Variants in EFCAB13 observed in about 807,000 individuals in gnomAD.
EFCAB13 encodes the protein EF-hand calcium-binding domain-containing protein 13.
Under a neutral mutation model 110.2 loss-of-function variants are expected in EFCAB13, and 91 were observed. The observed-to-expected ratio is 0.83, with a 90% CI of 0.70 to 0.98. The LOEUF is 0.98. EFCAB13 is among the 50% of genes least tolerant of loss of function. The probability of loss-of-function intolerance (pLI) is 0.00; values close to 1 mark genes in which losing one functional copy is unlikely to be tolerated. For missense variants in EFCAB13, 968 were observed against 1,119.4 expected (o/e 0.86, Z 1.93); for synonymous variants, 323 against 369.9 (o/e 0.87, Z 1.45).
At chr17:47,420,748 C>T (rs1243109205) in intron 23 of EFCAB13, among the ~76,000 whole-genome samples, 1 of 152,134 alleles carries the variant, frequency 6.6e-6, no homozygotes, top group Admixed American at 6.5e-5. Flanking sequence ...CCCCTCCGCC[C>T]GGCAGCCACC....
At chr17:47,351,226 T>C (rs566240774) in intron 9 of EFCAB13, among the ~76,000 whole-genome samples, 7 of 152,008 alleles carry the variant, frequency 4.6e-5, no homozygotes, top group Non-Finnish European at 1.0e-4. Context: ...GTTTCATCCA[T>C]GTTGCTGTAA....
chr17:47,389,940 CTGTA>C (rs113069711), intron 14 of EFCAB13, among the ~76,000 whole-genome samples: 13,343 of 152,110 alleles, frequency 0.088, 835 homozygotes, highest in East Asian at 0.35. Context: ...ATGTATCTTG[CTGTA>C]TGTACTATTT....
chr17:47,341,944 G>A lies in EFCAB13; in HGVS notation c.215G>A (p.Cys72Tyr), dbSNP rs1227758497. 1 of 1,585,250 alleles carries A rather than the reference G, an allele frequency of 6.3e-7. No homozygotes were observed. Among genetic ancestry groups the A allele is most frequent in the Non-Finnish European group, 8.6e-7 (1 of 1,162,996 alleles). ...AGATTTGAAACATCAATAATCTTTT[G>A]TGGAGAAGAAAAGTCCTCTGATTTT... The part of the protein sequence containing the change: ...KKIFETSIIF[C>Y]GEEKSSDFSG... The change falls in exon 6 of 25, where the codon TGT becomes TAT. Residue 72 changes from cysteine (C) to tyrosine (Y), a missense_variant. By Grantham distance (194) the Cys-to-Tyr change is radical (BLOSUM62 -2). Transcript: ENST00000331493.
At chr17:47,408,757 A>G (rs546215478) in intron 20 of EFCAB13, among the ~76,000 whole-genome samples, 13 of 152,260 alleles carry the variant, frequency 8.5e-5, no homozygotes, top group African/African-American at 2.9e-4. Context: ...GTTGGTTATC[A>G]CAACTGATGG....
intron 9 of EFCAB13, among the ~76,000 whole-genome samples, chr17:47,354,037 A>G (rs2065467551): frequency 6.6e-6 from 1 of 152,284 alleles, no homozygotes; most frequent in South Asian, 2.1e-4. Context: ...TCCTCTTAAT[A>G]CTGCTTTTGC....
intron 21 of EFCAB13, 81 bp downstream of exon 21, chr17:47,409,772 T>G: frequency 8.9e-7 from 1 of 1,124,644 alleles, no homozygotes; most frequent in South Asian, 1.3e-5. Flanking sequence ...CCAATGTATT[T>G]CTCATTTTTC....
chr17:47,389,722 C>G (rs771119817), intron 14 of EFCAB13, among the ~76,000 whole-genome samples: 12 of 151,934 alleles, frequency 7.9e-5, no homozygotes, highest in Non-Finnish European at 1.5e-4. Flanking sequence ...TTTCTGCATT[C>G]CATGTGGTAT....
chr17:47,404,951 G>T (rs1011335699), intron 20 of EFCAB13, among the ~76,000 whole-genome samples: 2 of 152,214 alleles, frequency 1.3e-5, no homozygotes, highest in Middle Eastern at 3.4e-3. Flanking sequence ...GACCAGGAAT[G>T]TAAGAAGTAT....
chr17:47,342,073 T>G, intron 6 of EFCAB13, 41 bp downstream of exon 6: 1 of 1,193,992 alleles, frequency 8.4e-7, no homozygotes. Flanking sequence ...CCTTCAAATA[T>G]TTTCCTTAGC....
At chr17:47,414,368 A>T (rs939483189) in intron 22 of EFCAB13, among the ~76,000 whole-genome samples, 6 of 152,014 alleles carry the variant, frequency 3.9e-5, no homozygotes, top group African/African-American at 1.4e-4. Flanking sequence ...ACATTTCCTG[A>T]CTTTGTGACC....
intron 23 of EFCAB13, among the ~76,000 whole-genome samples, chr17:47,419,306 G>T (rs1398745165): frequency 6.6e-6 from 1 of 152,188 alleles, no homozygotes; most frequent in Non-Finnish European, 1.5e-5. Context: ...AAATACTGAT[G>T]GCTGGGTGTG....
intron 17 of EFCAB13, among the ~76,000 whole-genome samples, chr17:47,397,246 G>GCGAGTGATC (rs997353330): frequency 1.3e-5 from 2 of 152,158 alleles, no homozygotes; most frequent in Non-Finnish European, 2.9e-5. Context: ...GCTCCTAGCC[G>GCGAGTGATC]CGAGTGATCC....
At chr17:47,390,846 T>C (rs1368444026) in intron 14 of EFCAB13, among the ~76,000 whole-genome samples, 1 of 152,182 alleles carries the variant, frequency 6.6e-6, no homozygotes, top group African/African-American at 2.4e-5. Context: ...TGCAATTAAA[T>C]TGGTGCTTCC....
At chr17:47,437,824 G>T (rs752807516) in intron 24 of EFCAB13, among the ~76,000 whole-genome samples, 1 of 151,884 alleles carries the variant, frequency 6.6e-6, no homozygotes, top group Non-Finnish European at 1.5e-5. Context: ...TGAGTACTTT[G>T]GTTTTTTGTT....
intron 17 of EFCAB13, among the ~76,000 whole-genome samples, chr17:47,397,592 T>C (rs188936305): frequency 0.088 from 12,749 of 144,324 alleles, 796 homozygotes; most frequent in East Asian, 0.35. Context: ...GCCGCCATCC[T>C]ATCTAGGAAG....
intron 24 of EFCAB13, among the ~76,000 whole-genome samples, chr17:47,436,315 T>C (rs1794370201): frequency 6.6e-6 from 1 of 152,162 alleles, no homozygotes. Flanking sequence ...GTTCCTTCTT[T>C]CTCTGTCTTG....
chr17:47,391,362 T>C (rs1175626811), intron 14 of EFCAB13, 75 bp from the exon 15 acceptor site: 10 of 1,194,340 alleles, frequency 8.4e-6, no homozygotes, highest in Non-Finnish European at 1.0e-5. Flanking sequence ...GTGTTAGAAC[T>C]AAAATTCATC....
chr17:47,411,624 G>A (rs944020220), intron 21 of EFCAB13, among the ~76,000 whole-genome samples: 3 of 152,304 alleles, frequency 2.0e-5, no homozygotes, highest in East Asian at 3.9e-4. Context: ...CTTAGAAGCT[G>A]TAAAATAACT....
intron 17 of EFCAB13, among the ~76,000 whole-genome samples, chr17:47,401,895 C>T (rs1411417711): frequency 6.6e-6 from 1 of 152,142 alleles, no homozygotes; most frequent in Non-Finnish European, 1.5e-5. Context: ...CCACCCACCT[C>T]AGCCTCCCAA....
Sources: gnomAD v4.1 joint callset for allele counts (sites outside exome capture counted in the v4.1 genomes callset) on GRCh38, gnomAD v4.1.1 for gene constraint, MANE v1.5 for transcripts, NCBI Gene and HGNC (gene_info 2026-07-23, HGNC 2026-07-21) for gene names.